The following ANKRD65 variants were observed in gnomAD, a reference collection of about 807,000 sequenced individuals.
ANKRD65 encodes the protein ankyrin repeat domain 65, also known as ankyrin repeat domain-containing protein 65.
Under a neutral mutation model 17.2 loss-of-function variants are expected in ANKRD65, and 26 were observed. The ratio of observed to expected loss-of-function variants is 1.51; its 90% CI spans 1.11 to 2.09. The LOEUF (loss-of-function observed/expected upper bound fraction) is 2.09. Ranked by LOEUF, ANKRD65 falls within the 30% of genes most tolerant of loss-of-function variation. The pLI, the probability that ANKRD65 is intolerant of heterozygous loss-of-function variation, is 0.00. For synonymous variants in ANKRD65, 311 were observed against 272.2 expected (o/e 1.14, Z -1.40); for missense variants, 621 against 542.2 (o/e 1.15, Z -1.44).
rs775898906 is a variant in ANKRD65 at position 1,419,139 on chromosome 1, C to T, written c.1161G>A (p.Gly387=). Residue 387 remains glycine, a synonymous_variant, in exon 4 of 4, where the codon GGG becomes GGA. Coordinates refer to ENST00000537107, the MANE Select transcript of ANKRD65 (RefSeq NM_001145210.3). Reference sequence around the variant, plus strand: ...CTATGCCCTCACACTCCTTCTCCCCCCCTCCAAGTTCAGGCAGCGCCTGGG... The same window carrying T: ...CTATGCCCTCACACTCCTTCTCCCCTCCTCCAAGTTCAGGCAGCGCCTGGG... The part of the protein sequence containing the change: ...DLPQALPELG[G]GEKECEGIES... 137 of 1,533,406 alleles carry T rather than the reference C, an allele frequency of 8.9e-5. No individual in the cohort carries two copies. Among genetic ancestry groups the T allele is most frequent in the South Asian group, 9.7e-5 (8 of 82,552 alleles). The allele number at this position is 1,533,406 out of a possible 1,614,324, so 95.0% of individuals were successfully genotyped here.
chr1:1,419,856 G>A (rs1422022955), intron 3 of ANKRD65, among the ~76,000 whole-genome samples, 196 bp downstream of exon 3: 3 of 152,288 alleles, frequency 2.0e-5, no homozygotes, highest in African/African-American at 7.2e-5. Context: ...GCATGAAGCC[G>A]AGCCCCGGGC....
intron 2 of ANKRD65, 76 bp from the exon 3 acceptor site, chr1:1,420,668 C>A: frequency 2.9e-6 from 4 of 1,390,252 alleles, no homozygotes; most frequent in Non-Finnish European, 3.8e-6. Context: ...CCCGTCCTGC[C>A]GCCCACCCAG....
At position 1,419,543 on chromosome 1, in the gene ANKRD65, C is replaced by T. The variant is rs947819194; in HGVS notation, c.757G>A (p.Glu253Lys). The T allele has an allele frequency of 1.3e-6, 2 of 1,530,658 alleles. No individual in the cohort carries two copies. The highest frequency in any genetic ancestry group is 1.8e-6 in the Non-Finnish European group (2 of 1,141,442). The allele number at this position is 1,530,658 out of a possible 1,614,324, so 94.8% of individuals were successfully genotyped here. A position where few individuals can be genotyped will look rare whatever the true frequency, so the allele number is the denominator to read the frequency against. Residue 253 changes from glutamate to lysine, a missense_variant, in exon 4 of 4, where the codon GAG becomes AAG. Transcript: ENST00000537107. ...AAALGRSQDI[E>K]VLLGHGADPG... is the part of the protein sequence containing the mutation. ...TCTGCCCCGTGGCCCAGCAGCACCTCAATGTCCTAGAAGAGGAGAGAAAAG... is the reference window on the plus strand; with the variant it reads ...TCTGCCCCGTGGCCCAGCAGCACCTTAATGTCCTAGAAGAGGAGAGAAAAG...
intron 1 of ANKRD65, 26 bp downstream of exon 1, chr1:1,421,107 C>G: frequency 8.3e-7 from 1 of 1,206,028 alleles, no homozygotes; most frequent in South Asian, 1.4e-5. Context: ...TACCACTTAG[C>G]CTTCAGAGGG....
rs1252860372 is a variant in ANKRD65, at chr1:1,420,268, C to T, written c.534G>A (p.Trp178Ter). The T allele has an allele frequency of 4.0e-6, 4 of 1,008,452 alleles. No homozygotes were observed. The East Asian group carries it at 3.1e-4, about 77-fold the overall frequency. The allele number at this position is 1,008,452 out of a possible 1,614,324, so 62.5% of individuals were successfully genotyped here. The change falls in exon 3 of 4, where the codon TGG becomes TGA. Residue 178 changes from tryptophan to a stop codon, truncating the protein, a stop_gained. Transcript: ENST00000537107. LOFTEE classifies it high-confidence loss of function. The stretch of plus-strand genomic sequence containing the variant: ...CCGCGGCCGCCCAGTGCGCCGCCGT[C>T]CAGCCGCGCGCGTCCTCCGCCTCCG... ...AAAEAEDARG[W>*]TAAHWAAAGG...
At position 1,420,515 on chromosome 1, in the gene ANKRD65, C is replaced by T. The variant is rs1395101291; in HGVS notation, c.287G>A (p.Arg96Gln). ...GTCCACCGCGCCCACCGGGGCCCCT[C>T]GCTGCAGCAGGAGACGCACCAGGGG... The part of the protein sequence containing the change: ...HAPLVRLLLQ[R>Q]GAPVGAVDRA... The change falls in exon 3 of 4, where the codon CGA (arginine) becomes CAA (glutamine). Residue 96 changes from arginine to glutamine, a missense_variant. Arg to Gln is a conservative substitution (Grantham distance 43, BLOSUM62 1). Coordinates refer to ENST00000537107, the MANE Select transcript of ANKRD65 (RefSeq NM_001145210.3). 1.2e-5 allele frequency: 15 copies of T among 1,277,072 alleles called. No homozygotes were observed. Among genetic ancestry groups the T allele is most frequent in the Non-Finnish European group, 1.4e-5 (14 of 1,018,442 alleles). The allele number at this position is 1,277,072 out of a possible 1,614,324, so 79.1% of individuals were successfully genotyped here.
Position 1,420,367 on chromosome 1 carries a change from G to C in ANKRD65, c.435C>G (p.His145Gln). Residue 145 changes from histidine (H) to glutamine (Q), a missense_variant, in exon 3 of 4, where the codon CAC becomes CAG. By Grantham distance (24) the His-to-Gln change is conservative. Coordinates refer to ENST00000537107, the MANE Select transcript of ANKRD65 (RefSeq NM_001145210.3). ...ARSGTGLTPL[H>Q]WAAALGHTLL... ...GCGTGTGGCCCAGGGCAGCGGCCCA[G>C]TGCAGCGGCGTGAGGCCCGTCCCGG... is the stretch of plus-strand genomic sequence containing the variant. 7.8e-7 allele frequency: 1 copy of C among 1,276,536 alleles called. No individual in the cohort carries two copies. The allele number at this position is 1,276,536 out of a possible 1,614,324, so 79.1% of individuals were successfully genotyped here.
chr1:1,420,716 C>G, intron 2 of ANKRD65, 81 bp downstream of exon 2: 1 of 1,444,444 alleles, frequency 6.9e-7, no homozygotes, highest in Non-Finnish European at 9.1e-7. Flanking sequence ...AGAGAAGGGA[C>G]TCCTCCACCC....
Position 1,420,163 on chromosome 1 carries a change from C to CT in ANKRD65, c.638_639insA (p.Arg215AlafsTer39). ...GGAAGCGCAGCGCCGCCCCGCGCCC[C>CT]GCAGCGGCAGCCACGAGCAGGGCGC... On this transcript the variant is annotated frameshift_variant, in exon 3 of 4. Transcript: ENST00000537107. LOFTEE classifies it high-confidence loss of function. 1 of 1,139,562 alleles carries CT rather than the reference C, an allele frequency of 8.8e-7. No individual in the cohort carries two copies. The highest frequency in any genetic ancestry group is 3.5e-5 in the South Asian group (1 of 28,432). The allele number at this position is 1,139,562 out of a possible 1,614,324, so 70.6% of individuals were successfully genotyped here.
At position 1,420,557 on chromosome 1, in the gene ANKRD65, A is replaced by T; in HGVS notation, c.245T>A (p.Val82Glu). The T allele has an allele frequency of 1.4e-5, 19 of 1,333,654 alleles. No individual in the cohort carries two copies. Among genetic ancestry groups the T allele is most frequent in the Non-Finnish European group, 1.8e-5 (19 of 1,047,674 alleles). The allele number at this position is 1,333,654 out of a possible 1,614,324, so 82.6% of individuals were successfully genotyped here. A position where few individuals can be genotyped will look rare whatever the true frequency, so the allele number is the denominator to read the frequency against. The stretch of plus-strand genomic sequence containing the variant: ...CACCAGGGGCGCGTGGCCCCGCAGC[A>T]CGGCCAGGTGGAGCGGGGTCCGGCC... ...HAGRTPLHLA[V>E]LRGHAPLVRL... Residue 82 changes from valine to glutamate, a missense_variant, in exon 3 of 4, where the codon GTG becomes GAG. Coordinates refer to ENST00000537107, the MANE Select transcript of ANKRD65 (RefSeq NM_001145210.3).
Position 1,419,246 on chromosome 1 carries a change from C to G in ANKRD65, c.1054G>C (p.Gly352Arg). Residue 352 changes from glycine (G) to arginine (R), a missense_variant, in exon 4 of 4, where the codon GGG becomes CGG. Transcript: ENST00000537107. ...AAERGHGPTV[G>R]LLLSRGASPT... is the part of the protein sequence containing the mutation. The stretch of plus-strand genomic sequence containing the variant: ...CTGGCCCCTCGGCTCAGCAGAAGCC[C>G]CACGGTAGGCCCATGCCCTCGCTCT... 6.4e-7 allele frequency: 1 copy of G among 1,550,410 alleles called. No individual in the cohort carries two copies. Among genetic ancestry groups the G allele is most frequent in the Non-Finnish European group, 8.7e-7 (1 of 1,146,886 alleles).
chr1:1,420,184 G>C lies in ANKRD65; in HGVS notation c.618C>G (p.Ala206=). The C allele has an allele frequency of 9.5e-7, 1 of 1,050,390 alleles. No homozygotes were observed. The highest frequency in any genetic ancestry group is 1.1e-6 in the Non-Finnish European group (1 of 875,470). 65.1% of individuals were successfully genotyped at this position (1,050,390 alleles called of 1,614,324 possible). A position where few individuals can be genotyped will look rare whatever the true frequency, so the allele number is the denominator to read the frequency against. Reference sequence around the variant, plus strand: ...GCCCCGCAGCGGCAGCCACGAGCAGGGCGCCGTCCAGGCCCGCGCCGCCGG... The same window carrying C: ...GCCCCGCAGCGGCAGCCACGAGCAGCGCGCCGTCCAGGCCCGCGCCGCCGG... ...LAAGGAGLDG[A]LLVAAAAGRG... is the part of the protein sequence containing the mutation. Residue 206 remains alanine (A), a synonymous_variant, in exon 3 of 4, where the codon GCC becomes GCG. Coordinates refer to ENST00000537107, the MANE Select transcript of ANKRD65 (RefSeq NM_001145210.3).
chr1:1,419,107 G>A lies in ANKRD65; in HGVS notation c.1193C>T (p.Thr398Met), dbSNP rs1011197657. 21 of 1,501,936 alleles carry A rather than the reference G, an allele frequency of 1.4e-5. No homozygotes were observed. In the East Asian group the frequency reaches 2.2e-4, roughly 16 times the overall value. The allele number at this position is 1,501,936 out of a possible 1,614,324, so 93.0% of individuals were successfully genotyped here. A position where few individuals can be genotyped will look rare whatever the true frequency, so the allele number is the denominator to read the frequency against. The change falls in exon 4 of 4, where the codon ACG (threonine) becomes ATG (methionine). Residue 398 changes from threonine to methionine, a missense_variant. Thr to Met is a moderately conservative substitution (Grantham distance 81). Coordinates refer to ENST00000537107, the MANE Select transcript of ANKRD65 (RefSeq NM_001145210.3). ...TGGAGCCTGCTGTCTGGCTCAGCCCGTGGACTCTATGCCCTCACACTCCTT... is the reference window on the plus strand; with the variant it reads ...TGGAGCCTGCTGTCTGGCTCAGCCCATGGACTCTATGCCCTCACACTCCTT... ...GEKECEGIES[T>M]G
At chr1:1,420,754 C>A (rs1170679619) in intron 2 of ANKRD65, 43 bp downstream of exon 2, 2 of 1,514,376 alleles carry the variant, frequency 1.3e-6, no homozygotes. Context: ...CCATCCTGCC[C>A]CACCCAGAGA....
chr1:1,419,098 GCTC>G lies in ANKRD65; in HGVS notation c.1199_*1del. 1 of 1,488,310 alleles carries G rather than the reference GCTC, an allele frequency of 6.7e-7. No individual in the cohort carries two copies. The highest frequency in any genetic ancestry group is 9.0e-7 in the Non-Finnish European group (1 of 1,110,700). The allele number at this position is 1,488,310 out of a possible 1,614,324, so 92.2% of individuals were successfully genotyped here. ...GGTGGAGCCTGGAGCCTGCTGTCTG[GCTC>G]AGCCCGTGGACTCTATGCCCTCACA... On this transcript the variant is annotated stop_lost and 3_prime_UTR_variant, in exon 4 of 4. Coordinates refer to ENST00000537107, the MANE Select transcript of ANKRD65 (RefSeq NM_001145210.3).
chr1:1,419,195 C>A lies in ANKRD65; in HGVS notation c.1105G>T (p.Glu369Ter). The A allele has an allele frequency of 6.5e-7, 1 of 1,549,158 alleles. No individual in the cohort carries two copies. Among genetic ancestry groups the A allele is most frequent in the Non-Finnish European group, 8.7e-7 (1 of 1,145,952 alleles). ...TCCCCCTCAGGCATCTGGGCCACCT[C>A]GGCCCACTGCGTCCGCAGAGTGGGG... Reference protein sequence around the residue: ...ASPTLRTQWAEVAQMPEGDLP... With the variant: ...ASPTLRTQWA The change falls in exon 4 of 4, where the codon GAG becomes TAG. Residue 369 changes from glutamate to a stop codon, truncating the protein, a stop_gained. Coordinates refer to ENST00000537107, the MANE Select transcript of ANKRD65 (RefSeq NM_001145210.3). LOFTEE classifies it low-confidence loss of function (END_TRUNC).
In ANKRD65 at chr1:1,420,790, G is replaced by A. The variant is rs1645542378; in HGVS notation, c.209+7C>T. On this transcript the variant is annotated splice_region_variant and intron_variant, in intron 2 of 3. Transcript: ENST00000537107. ...AGGGACCCCTTCACCCCCCAGCGCA[G>A]GTGCACCTCTCCTCCACGCTGGCAC... 1 of 1,544,300 alleles carries A rather than the reference G, an allele frequency of 6.5e-7. No individual in the cohort carries two copies. Among genetic ancestry groups the A allele is most frequent in the Non-Finnish European group, 8.7e-7 (1 of 1,144,306 alleles).
rs1645517062 is a variant in ANKRD65, at chr1:1,420,036, G to A, written c.750+16C>T. On this transcript the variant is annotated intron_variant, in intron 3 of 3. Transcript: ENST00000537107. ...GCGCCCCCTCCCATCACTGCCGGGC[G>A]GAGGGCGGGACGTACCTGGGAGCGG... 1 of 1,267,160 alleles carries A rather than the reference G, an allele frequency of 7.9e-7. No homozygotes were observed. Among genetic ancestry groups the A allele is most frequent in the Non-Finnish European group, 9.9e-7 (1 of 1,005,802 alleles). The allele number at this position is 1,267,160 out of a possible 1,614,324, so 78.5% of individuals were successfully genotyped here.
chr1:1,419,032 G>C lies in ANKRD65; in HGVS notation c.*68C>G. 7.0e-7 allele frequency: 1 copy of C among 1,432,538 alleles called. No individual in the cohort carries two copies. Among genetic ancestry groups the C allele is most frequent in the Non-Finnish European group, 9.2e-7 (1 of 1,081,524 alleles). The allele number at this position is 1,432,538 out of a possible 1,614,324, so 88.7% of individuals were successfully genotyped here. The stretch of plus-strand genomic sequence containing the variant: ...AGCCTCTTCCCTGATGTCCCCTCCA[G>C]GCAGGCAGCCTCAGCCAGAGAGCCT... On this transcript the variant is annotated 3_prime_UTR_variant, in exon 4 of 4. Transcript: ENST00000537107.
Sources: gnomAD v4.1 joint callset for allele counts (sites outside exome capture counted in the v4.1 genomes callset) on GRCh38, gnomAD v4.1.1 for gene constraint, MANE v1.5 for transcripts, NCBI Gene and HGNC (gene_info 2026-07-23, HGNC 2026-07-21) for gene names.